FRMD4B: variants seen among roughly 807,000 people sequenced by gnomAD.
The protein encoded by FRMD4B is FERM domain-containing protein 4B.
In FRMD4B, 74 loss-of-function variants were observed where a neutral mutation model predicts 141.5. The ratio of observed to expected loss-of-function variants is 0.52; its 90% CI spans 0.43 to 0.63. The LOEUF (loss-of-function observed/expected upper bound fraction) is 0.63. Ranked by LOEUF, FRMD4B falls within the 30% of genes least tolerant of loss-of-function variation. The pLI is 0.00. For synonymous variants in FRMD4B, 506 were observed against 467.9 expected (o/e 1.08, Z -1.05); for missense variants, 1,366 against 1,253.4 (o/e 1.09, Z -1.36).
intron 1 of FRMD4B, among the ~76,000 whole-genome samples, chr3:69,442,191 C>T (rs111808800): frequency 5.2e-4 from 79 of 151,882 alleles, no homozygotes; most frequent in African/African-American, 1.8e-3. Flanking sequence ...AAGCAGTCCT[C>T]CTAACTCAGC....
At position 69,181,053 on chromosome 3, in the gene FRMD4B, C is replaced by T; in HGVS notation, c.2697G>A (p.Leu899=). The T allele has an allele frequency of 6.2e-7, 1 of 1,614,038 alleles. No homozygotes were observed. The highest frequency in any genetic ancestry group is 8.5e-7 in the Non-Finnish European group (1 of 1,179,900). The change falls in exon 21 of 23, where the codon TTG becomes TTA. Residue 899 remains leucine (L), a synonymous_variant. Coordinates refer to ENST00000398540, the MANE Select transcript of FRMD4B (RefSeq NM_015123.3). ...CAGAGGCCCGCTGGTACCAGCCACG[C>T]AAGTGCTCGGCAACTAAGGCCTTGT... The part of the protein sequence containing the change: ...NIHKALVAEH[L]RGWYQRASGQ...
chr3:69,290,999 C>G (rs1700854817), intron 4 of FRMD4B, among the ~76,000 whole-genome samples: 1 of 152,154 alleles, frequency 6.6e-6, no homozygotes, highest in Admixed American at 6.6e-5. Flanking sequence ...GACGTTTTCA[C>G]CAAAATGTTA....
chr3:69,538,051 T>C lies in FRMD4B; in HGVS notation c.-129+4155A>G, dbSNP rs1415492874. Among the ~76,000 whole-genome samples the C allele has an allele frequency of 2.6e-5, 4 of 152,356 alleles. No individual in the cohort carries two copies. In the East Asian group the frequency reaches 7.7e-4, roughly 29 times the overall value. On this transcript the variant is annotated intron_variant, in intron 1 of 5. Transcript: ENST00000459638. Reference sequence around the variant, plus strand: ...GGCAAATCATAGCTCATTTTGAAACTTTTTGTTCAACAACTGGGGAAGGGG... The same window carrying C: ...GGCAAATCATAGCTCATTTTGAAACCTTTTGTTCAACAACTGGGGAAGGGG...
intron 1 of FRMD4B, among the ~76,000 whole-genome samples, chr3:69,367,516 CAAAAAATATAT>C: frequency 3.3e-5 from 1 of 30,172 alleles, no homozygotes; most frequent in South Asian, 1.3e-3. Context: ...TGTTTTTACC[CAAAAAATATAT>C]CATTGACAAT....
intron 1 of FRMD4B, among the ~76,000 whole-genome samples, chr3:69,456,965 G>A (rs1705627596): frequency 6.6e-6 from 1 of 152,180 alleles, no homozygotes; most frequent in Admixed American, 6.5e-5. Flanking sequence ...GCCCTGTAGA[G>A]AAAAAGTTTG....
At chr3:69,358,281 T>G (rs1703381936) in intron 1 of FRMD4B, among the ~76,000 whole-genome samples, 1 of 152,212 alleles carries the variant, frequency 6.6e-6, no homozygotes, top group Non-Finnish European at 1.5e-5. Flanking sequence ...CAGGATTCAG[T>G]GCTCAGAAGG....
intron 1 of FRMD4B, chr3:69,353,658 T>G: frequency 1.0e-6 from 1 of 982,882 alleles, no homozygotes; most frequent in African/African-American, 1.7e-5. Flanking sequence ...CGCGTGTGTG[T>G]GCGCGCATGT....
intron 10 of FRMD4B, 80 bp from the exon 11 acceptor site, chr3:69,216,429 CTTTTTT>C (rs397990009): frequency 5.2e-4 from 199 of 381,794 alleles, no homozygotes; most frequent in Middle Eastern, 7.2e-4. Flanking sequence ...AATTTCACCT[CTTTTTT>C]TTTTTTTTTT....
intron 1 of FRMD4B, among the ~76,000 whole-genome samples, chr3:69,329,691 C>T (rs1702303818): frequency 6.6e-6 from 1 of 150,872 alleles, no homozygotes; most frequent in African/African-American, 2.5e-5. Flanking sequence ...CCAGGCCTGG[C>T]TAATTTTTTT....
chr3:69,305,266 C>T (rs959675971), intron 3 of FRMD4B, among the ~76,000 whole-genome samples: 1 of 152,142 alleles, frequency 6.6e-6, no homozygotes, highest in Non-Finnish European at 1.5e-5. Flanking sequence ...GGTTAAATGC[C>T]GGAAAGAGTG....
chr3:69,359,051 T>C (rs181960047), intron 1 of FRMD4B, among the ~76,000 whole-genome samples: 13 of 152,280 alleles, frequency 8.5e-5, no homozygotes, highest in Admixed American at 1.3e-4. Flanking sequence ...AGAAAAGATA[T>C]GTAGAGTCTG....
At chr3:69,323,604 C>CTGTG (rs199930882) in intron 1 of FRMD4B, among the ~76,000 whole-genome samples, 4 of 103,266 alleles carry the variant, frequency 3.9e-5, no homozygotes, top group East Asian at 5.9e-4. Context: ...CTCTCTCTCT[C>CTGTG]TGTGTATATA....
rs564153525 is a variant in FRMD4B, at chr3:69,415,284, T to C, written c.-1+17350A>G. 3.3e-5 allele frequency among the ~76,000 whole-genome samples: 5 copies of C among 152,290 alleles called. No homozygotes were observed. The South Asian group carries it at 8.3e-4, about 25-fold the overall frequency. On this transcript the variant is annotated intron_variant, in intron 2 of 5. Coordinates refer to the FRMD4B transcript ENST00000459638. ...TCCATCAAATGGAGATAAAGCCCCA[T>C]ACTGACTTCTCAAGGCTGGGCACCC...
intron 2 of FRMD4B, among the ~76,000 whole-genome samples, chr3:69,395,536 A>G (rs1214626324): frequency 2.0e-5 from 3 of 152,222 alleles, no homozygotes; most frequent in African/African-American, 4.8e-5. Context: ...TGCTAAAAAT[A>G]CAGAATAATT....
At chr3:69,230,606 G>C (rs1180897166) in intron 7 of FRMD4B, among the ~76,000 whole-genome samples, 1 of 151,956 alleles carries the variant, frequency 6.6e-6, no homozygotes, top group Non-Finnish European at 1.5e-5. Context: ...AAATTAGCCA[G>C]GCATAGTGGT....
At chr3:69,231,947 T>A (rs1054571834) in intron 7 of FRMD4B, among the ~76,000 whole-genome samples, 1 of 152,180 alleles carries the variant, frequency 6.6e-6, no homozygotes, top group African/African-American at 2.4e-5. Context: ...TCTGGGAGCC[T>A]GAGGCTGCAA....
intron 5 of FRMD4B, among the ~76,000 whole-genome samples, chr3:69,267,032 T>C (rs771660602): frequency 3.6e-4 from 55 of 152,300 alleles, no homozygotes; most frequent in Non-Finnish European, 6.6e-4. Context: ...CTTTGGTGTA[T>C]TGCAGATACC....
chr3:69,431,775 T>C (rs1705184316), intron 2 of FRMD4B, among the ~76,000 whole-genome samples: 1 of 152,218 alleles, frequency 6.6e-6, no homozygotes, highest in Non-Finnish European at 1.5e-5. Context: ...CGCCAGCATG[T>C]GGATTTGCAA....
rs183887329 is a variant in FRMD4B, at chr3:69,213,317, T to C, written c.876+2946A>G. On this transcript the variant is annotated intron_variant, in intron 11 of 22. Coordinates refer to ENST00000398540, the MANE Select transcript of FRMD4B (RefSeq NM_015123.3). ...CTTCCCCTAAAGCATTTTTTTGTAG[T>C]GTTTGCTGCCATTTTTTCTTCCTTG... Among the ~76,000 whole-genome samples, 7 of 151,546 alleles carry C rather than the reference T, an allele frequency of 4.6e-5. No homozygotes were observed. The East Asian group carries it at 1.4e-3, about 29-fold the overall frequency.
Sources: allele counts gnomAD v4.1 joint callset (sites outside exome capture counted in the v4.1 genomes callset), GRCh38; gene constraint gnomAD v4.1.1; transcripts MANE v1.5; gene names NCBI Gene and HGNC (gene_info 2026-07-23, HGNC 2026-07-21).